Variants in SATB2 observed in about 807,000 individuals in gnomAD.
SATB2 encodes the protein SATB homeobox 2, also known as DNA-binding protein SATB2.
SATB2 carries 1 observed loss-of-function variant against 73.4 expected under a neutral mutation model. The observed-to-expected ratio is 0.01, with a 90% confidence interval of 0.00 to 0.06. SATB2 has a LOEUF of 0.06. Among genes scored for constraint, SATB2 ranks in the 10% least tolerant of loss-of-function variants. The pLI is 1.00. For missense variants in SATB2, 459 were observed against 945.8 expected, an observed-to-expected ratio of 0.49 and a Z score of 6.75; for synonymous variants, 397 against 367.0, an observed-to-expected ratio of 1.08 and a Z score of -0.93.
chr2:199,390,719 A>G (rs1195329096), intron 3 of SATB2, among the ~76,000 whole-genome samples: 2 of 152,098 alleles, frequency 1.3e-5, no homozygotes, highest in Non-Finnish European at 1.5e-5. Context: ...CATCTTTCAC[A>G]TCCTCATTAA....
At chr2:199,432,494 G>T (rs2105927880) in intron 3 of SATB2, among the ~76,000 whole-genome samples, 1 of 152,278 alleles carries the variant, frequency 6.6e-6, no homozygotes, top group South Asian at 2.1e-4. Flanking sequence ...ACTAAAGATA[G>T]TAATACAGGA....
At chr2:199,302,187 C>G (rs962197520) in intron 10 of SATB2, among the ~76,000 whole-genome samples, 3 of 152,110 alleles carry the variant, frequency 2.0e-5, no homozygotes, top group Non-Finnish European at 2.9e-5. Flanking sequence ...AAAGCCATAG[C>G]TAATGTCTAA....
intron 7 of SATB2, among the ~76,000 whole-genome samples, chr2:199,344,336 G>A (rs180949038): frequency 6.6e-6 from 1 of 152,064 alleles, no homozygotes. Flanking sequence ...TTTTGCAGTA[G>A]TATGCAACAG....
At chr2:199,326,446 C>T (rs1688030713) in intron 8 of SATB2, among the ~76,000 whole-genome samples, 1 of 152,052 alleles carries the variant, frequency 6.6e-6, no homozygotes, top group Non-Finnish European at 1.5e-5. Flanking sequence ...AATACTGACC[C>T]TAACTGTGGG....
intron 1 of SATB2, chr2:199,470,861 C>T (rs928302468): frequency 6.6e-6 from 1 of 152,304 alleles, no homozygotes; most frequent in African/African-American, 2.4e-5. Context: ...AGCTGGCGAC[C>T]CCGCTCACGT....
intron 7 of SATB2, chr2:199,347,286 T>C (rs1688682910): frequency 6.6e-6 from 1 of 152,208 alleles, no homozygotes; most frequent in African/African-American, 2.4e-5. Context: ...CAGCGTGTGT[T>C]ATCATGTGTC....
intron 7 of SATB2, chr2:199,348,369 A>G (rs1458621565): frequency 9.5e-6 from 2 of 211,592 alleles, no homozygotes; most frequent in Admixed American, 1.0e-4. Context: ...GAGACTGATA[A>G]TCACAAAATT....
intron 3 of SATB2, among the ~76,000 whole-genome samples, chr2:199,392,700 C>T (rs1245412235): frequency 6.6e-6 from 1 of 152,148 alleles, no homozygotes; most frequent in African/African-American, 2.4e-5. Context: ...CGCTTACCCT[C>T]TCTGGGCCCC....
upstream of SATB2, chr2:199,458,383 T>C: frequency 3.4e-6 from 1 of 298,144 alleles, no homozygotes; most frequent in Non-Finnish European, 6.7e-6. Flanking sequence ...AAGGGGAGAG[T>C]CGGCGGTCGG....
chr2:199,386,845 C>T (rs1689979086), intron 3 of SATB2, among the ~76,000 whole-genome samples: 1 of 152,082 alleles, frequency 6.6e-6, no homozygotes, highest in Admixed American at 6.5e-5. Context: ...TTATCACACT[C>T]TCACTCTGTC....
intron 3 of SATB2, among the ~76,000 whole-genome samples, chr2:199,407,288 CAAAA>C (rs34954916): frequency 1.3e-5 from 1 of 77,528 alleles, no homozygotes; most frequent in Admixed American, 1.4e-4. Flanking sequence ...TCTTGTCTCC[CAAAA>C]AAAAAAAAAA....
intron 9 of SATB2, among the ~76,000 whole-genome samples, chr2:199,317,174 GA>G (rs1241894122): frequency 6.6e-6 from 1 of 152,014 alleles, no homozygotes; most frequent in Non-Finnish European, 1.5e-5. Context: ...ACTAGGGCAT[GA>G]AATGTAAACA....
rs1691562317 is a variant in SATB2, at chr2:199,433,437, C to T, written c.247G>A (p.Glu83Lys). Residue 83 changes from glutamate to lysine, a missense_variant, in exon 3 of 11, where the codon GAG becomes AAG. Around this residue, in one of 13 missense-constraint regions of SATB2, gnomAD observed 56 missense variants for 183.7 expected, o/e 0.30. Transcript: ENST00000417098. ...ACATCTTTCCGCACCAGGACAAACT[C>T]GGCGTGTTCTTCTCTGTTGTCATAT... ...LEYDNREEHA[E>K]FVLVRKDVLF... The T allele has an allele frequency of 6.2e-7, 1 of 1,614,032 alleles. No individual in the cohort carries two copies. The highest frequency in any genetic ancestry group is 1.3e-5 in the African/African-American group (1 of 74,908).
intron 3 of SATB2, chr2:199,396,114 ATAAGTCTT>A (rs1201934491): frequency 6.6e-6 from 1 of 152,230 alleles, no homozygotes; most frequent in Non-Finnish European, 1.5e-5. Context: ...TTTACTTTGT[ATAAGTCTT>A]TAGGCACCCA....
Position 199,381,637 on chromosome 2 carries a change from T to C in SATB2, c.473+57A>G, listed in dbSNP as rs567201438. On this transcript the variant is annotated intron_variant, in intron 4 of 10. Coordinates refer to ENST00000417098, the MANE Select transcript of SATB2 (RefSeq NM_001172509.2). The stretch of plus-strand genomic sequence containing the variant: ...GACATGCTGATCTTTGCAGTGAATC[T>C]ATGATTGACGGAGCAGCTCTGACAG... The C allele has an allele frequency of 9.2e-5, 147 of 1,606,058 alleles. 1 individual carries two copies. The South Asian group carries it at 1.5e-3, about 16-fold the overall frequency.
chr2:199,346,370 G>A (rs569460818), intron 7 of SATB2, among the ~76,000 whole-genome samples: 3 of 152,074 alleles, frequency 2.0e-5, no homozygotes, highest in Admixed American at 1.3e-4. Flanking sequence ...GGATGGTCTC[G>A]ATCTCTTGAC....
intron 3 of SATB2, among the ~76,000 whole-genome samples, chr2:199,383,345 T>G (rs1239651519): frequency 1.3e-5 from 2 of 152,192 alleles, no homozygotes; most frequent in Non-Finnish European, 2.9e-5. Context: ...GTAGTAGTCA[T>G]GAAATGAACA....
intron 10 of SATB2, among the ~76,000 whole-genome samples, chr2:199,273,591 C>G (rs1031342642): frequency 2.0e-5 from 3 of 152,066 alleles, no homozygotes; most frequent in African/African-American, 7.2e-5. Context: ...AGAAAATATT[C>G]AAACTAATTT....
chr2:199,387,466 AAC>A lies in SATB2; in HGVS notation c.347-5648_347-5647del, dbSNP rs549800218. Among the ~76,000 whole-genome samples the A allele has an allele frequency of 2.5e-3, 374 of 152,310 alleles. 1 individual carries two copies. Among genetic ancestry groups the A allele is most frequent in the African/African-American group, 8.3e-3 (343 of 41,548 alleles). On this transcript the variant is annotated intron_variant, in intron 3 of 10. Transcript: ENST00000417098. ...TTAAACTTGGGACTTCTCTGGAAAA[AAC>A]AGTTTCCCACAACAGTGCCATTTCA... is the stretch of plus-strand genomic sequence containing the variant.
Sources: gnomAD v4.1 joint callset for allele counts (sites outside exome capture counted in the v4.1 genomes callset) on GRCh38, gnomAD v4.1.1 for gene constraint, gnomAD v4.1.1 regional missense constraint, MANE v1.5 for transcripts, NCBI Gene and HGNC (gene_info 2026-07-23, HGNC 2026-07-21) for gene names.